MTA2: variants seen among roughly 807,000 people sequenced by gnomAD.
The protein encoded by MTA2 is metastasis associated 1 family member 2.
Under a neutral mutation model 87.1 loss-of-function variants are expected in MTA2, and 22 were observed. The observed-to-expected ratio is 0.25, with a 90% confidence interval of 0.18 to 0.36. MTA2 has a LOEUF of 0.36. Among genes scored for constraint, MTA2 ranks in the 10% least tolerant of loss-of-function variants. The pLI, the probability that MTA2 is intolerant of heterozygous loss-of-function variation, is 1.00. For synonymous variants in MTA2, 314 were observed against 310.1 expected (o/e 1.01, Z -0.13); for missense variants, 542 against 853.2 (o/e 0.64, Z 4.54).
intron 8 of MTA2, among the ~76,000 whole-genome samples, 199 bp from the exon 9 acceptor site, chr11:62,597,024 C>T (rs1942108133): frequency 6.6e-6 from 1 of 152,134 alleles, no homozygotes; most frequent in South Asian, 2.1e-4. Flanking sequence ...CCCGTCTCTA[C>T]TAAAAATACA....
At position 62,594,605 on chromosome 11, in the gene MTA2, G is replaced by T. The variant is rs774487442; in HGVS notation, c.1603C>A (p.Pro535Thr). 1 of 1,614,144 alleles carries T rather than the reference G, an allele frequency of 6.2e-7. No homozygotes were observed. Among genetic ancestry groups the T allele is most frequent in the Non-Finnish European group, 8.5e-7 (1 of 1,180,034 alleles). Residue 535 changes from proline to threonine, a missense_variant, in exon 16 of 18, where the codon CCT becomes ACT. This residue lies in a region of MTA2 where 269 missense variants were observed against 346.4 expected (regional missense o/e 0.78). Coordinates refer to ENST00000278823, the MANE Select transcript of MTA2 (RefSeq NM_004739.4). ...TTGATCGGTGTCTTGGTACCCCGAG[G>T]TGTTTTTGGTTTCAGGGGTGCCTGG... Reference protein sequence around the residue: ...VAQAPLKPKTPRGTKTPINRN... With the variant: ...VAQAPLKPKTTRGTKTPINRN...
Position 62,601,858 on chromosome 11 carries a change from G to T in MTA2, c.-408C>A. ...CACCTTCGGCCGATCCGGAGAACAA[G>T]GCCCACTGCTCGGCTCAGGTCGGAG... On this transcript the variant is annotated 5_prime_UTR_variant, in exon 1 of 18. Transcript: ENST00000278823. The T allele has an allele frequency of 2.0e-6, 1 of 495,312 alleles. No homozygotes were observed. Among genetic ancestry groups the T allele is most frequent in the African/African-American group, 2.0e-5 (1 of 49,108 alleles). 30.7% of individuals were successfully genotyped at this position (495,312 alleles called of 1,614,324 possible).
rs759345268 is a variant in MTA2, at chr11:62,596,082, T to C, written c.1042A>G (p.Ile348Val). 6.2e-7 allele frequency: 1 copy of C among 1,613,986 alleles called. No homozygotes were observed. The highest frequency in any genetic ancestry group is 8.5e-7 in the Non-Finnish European group (1 of 1,180,004). The change falls in exon 12 of 18, where the codon ATT (isoleucine) becomes GTT (valine). Residue 348 changes from isoleucine to valine, a missense_variant. By Grantham distance (29) the Ile-to-Val change is conservative (BLOSUM62 3). Transcript: ENST00000278823. ...TYTKPNPNQI[I>V]SVGSKPGMNG... Reference sequence around the variant, plus strand: ...ATGCCAGGTTTTGAACCCACAGAAATGATCTGGTTAGGGTTTGGCTTAGTG... The same window carrying C: ...ATGCCAGGTTTTGAACCCACAGAAACGATCTGGTTAGGGTTTGGCTTAGTG...
At chr11:62,598,913 C>G (rs1942137106) in intron 3 of MTA2, among the ~76,000 whole-genome samples, 1 of 152,268 alleles carries the variant, frequency 6.6e-6, no homozygotes, top group East Asian at 1.9e-4. Flanking sequence ...GCTGCCAGTA[C>G]TCAGACACCA....
Position 62,596,072 on chromosome 11 carries a change from C to T in MTA2, c.1052G>A (p.Gly351Asp). The stretch of plus-strand genomic sequence containing the variant: ...AGCCCCATTCATGCCAGGTTTTGAA[C>T]CCACAGAAATGATCTGGTTAGGGTT... ...KPNPNQIISV[G>D]SKPGMNGAGF... The change falls in exon 12 of 18, where the codon GGT becomes GAT. Residue 351 changes from glycine to aspartate, a missense_variant. Physicochemically the swap from Gly to Asp is moderately conservative, Grantham distance 94. Around this residue, in one of 6 missense-constraint regions of MTA2, gnomAD observed 46 missense variants for 109.1 expected, o/e 0.42. Coordinates refer to ENST00000278823, the MANE Select transcript of MTA2 (RefSeq NM_004739.4). 6.2e-7 allele frequency: 1 copy of T among 1,614,156 alleles called. No homozygotes were observed. Among genetic ancestry groups the T allele is most frequent in the Non-Finnish European group, 8.5e-7 (1 of 1,180,040 alleles).
chr11:62,596,341 TAAG>T lies in MTA2; in HGVS notation c.958-7_958-5del. On this transcript the variant is annotated splice_region_variant and splice_polypyrimidine_tract_variant and intron_variant, in intron 10 of 17. Coordinates refer to ENST00000278823, the MANE Select transcript of MTA2 (RefSeq NM_004739.4). ...CTTCAGCAGCTTTCAACCTTTTCTG[TAAG>T]AAGGTAAAAAGAAAGAGAAGGATCA... 6.2e-7 allele frequency: 1 copy of T among 1,614,018 alleles called. No homozygotes were observed. Among genetic ancestry groups the T allele is most frequent in the Non-Finnish European group, 8.5e-7 (1 of 1,179,990 alleles).
chr11:62,598,193 G>A (rs2849031), intron 5 of MTA2, 52 bp from the exon 6 acceptor site: 1,035,410 of 1,584,874 alleles, frequency 0.65, 342,963 homozygotes, highest in East Asian at 0.94. Context: ...CATAGGCGGC[G>A]GGGAGGGAGG....
In MTA2 at chr11:62,593,504, C is replaced by T. The variant is rs931592242; in HGVS notation, c.*371G>A. 6.6e-6 allele frequency: 1 copy of T among 150,734 alleles called. No individual in the cohort carries two copies. The highest frequency in any genetic ancestry group is 2.6e-5 in the African/African-American group (1 of 38,424). 9.3% of individuals were successfully genotyped at this position (150,734 alleles called of 1,614,324 possible). A position where few individuals can be genotyped will look rare whatever the true frequency, so the allele number is the denominator to read the frequency against. On this transcript the variant is annotated 3_prime_UTR_variant, in exon 18 of 18. Transcript: ENST00000278823. ...CACGCCCCCCTCCCCCAACCAGGTA[C>T]CACCACCTGTTATCTGTTTACTCTT...
At chr11:62,598,184 A>T in intron 5 of MTA2, 43 bp from the exon 6 acceptor site, 1 of 1,599,026 alleles carries the variant, frequency 6.3e-7, no homozygotes, top group Non-Finnish European at 8.6e-7. Context: ...AGCAATCCAC[A>T]TAGGCGGCGG....
rs1942073063 is a variant in MTA2 at position 62,594,651 on chromosome 11, A to T, written c.1574-17T>A. The stretch of plus-strand genomic sequence containing the variant: ...CCTGGGCCACTGGAAAAAAACAGAA[A>T]ACTTTCGCACCTTTTCTTCCCACGC... On this transcript the variant is annotated splice_polypyrimidine_tract_variant and intron_variant, in intron 15 of 17. Transcript: ENST00000278823. 1 of 1,607,696 alleles carries T rather than the reference A, an allele frequency of 6.2e-7. No individual in the cohort carries two copies. The highest frequency in any genetic ancestry group is 1.1e-5 in the South Asian group (1 of 90,828).
chr11:62,600,706 G>C lies in MTA2; in HGVS notation c.29-17C>G, dbSNP rs368247751. On this transcript the variant is annotated splice_polypyrimidine_tract_variant and intron_variant, in intron 1 of 17. Coordinates refer to ENST00000278823, the MANE Select transcript of MTA2 (RefSeq NM_004739.4). ...AGACGTAATCTGTAAGGGAAGGGAGGGGGGAGAACCACGAAGATCAGAGGA... is the reference window on the plus strand; with the variant it reads ...AGACGTAATCTGTAAGGGAAGGGAGCGGGGAGAACCACGAAGATCAGAGGA... The C allele has an allele frequency of 7.4e-5, 119 of 1,610,786 alleles. No homozygotes were observed. The South Asian group carries it at 8.8e-4, about 12-fold the overall frequency.
At chr11:62,601,331 G>A (rs1942192983) in intron 1 of MTA2, 92 bp downstream of exon 1, 5 of 1,487,030 alleles carry the variant, frequency 3.4e-6, no homozygotes, top group African/African-American at 2.9e-5. Flanking sequence ...TGCCCCATAC[G>A]CTGCGCCTCG....
intron 1 of MTA2, chr11:62,601,162 A>C: frequency 1.9e-5 from 10 of 513,754 alleles, no homozygotes; most frequent in East Asian, 3.7e-5. Flanking sequence ...TCCGAAGGCC[A>C]CTCCGTGCCC....
intron 15 of MTA2, 46 bp from the exon 16 acceptor site, chr11:62,594,680 T>G (rs752973111): frequency 1.2e-5 from 19 of 1,545,182 alleles, no homozygotes; most frequent in Non-Finnish European, 1.7e-5. Flanking sequence ...CCCACGCAGT[T>G]CCCCTTTGTT....
Position 62,600,278 on chromosome 11 carries a change from C to T in MTA2, c.97-19G>A, listed in dbSNP as rs951438946. Reference sequence around the variant, plus strand: ...TTGCAGTCTAAGGGGAGGAAAAAAACAAAAACAAAACAACGTAGCAGTGGA... The same window carrying T: ...TTGCAGTCTAAGGGGAGGAAAAAAATAAAAACAAAACAACGTAGCAGTGGA... On this transcript the variant is annotated intron_variant, in intron 2 of 17. Transcript: ENST00000278823. 2 of 1,604,794 alleles carry T rather than the reference C, an allele frequency of 1.2e-6. No homozygotes were observed. Among genetic ancestry groups the T allele is most frequent in the Admixed American group, 1.7e-5 (1 of 59,662 alleles).
At position 62,594,296 on chromosome 11, in the gene MTA2, G is replaced by A; in HGVS notation, c.1804C>T (p.Pro602Ser). The A allele has an allele frequency of 1.2e-6, 2 of 1,614,068 alleles. No homozygotes were observed. Among genetic ancestry groups the A allele is most frequent in the East Asian group, 2.2e-5 (1 of 44,898 alleles). Residue 602 changes from proline to serine, a missense_variant, in exon 17 of 18, where the codon CCC (proline) becomes TCC (serine). Around this residue, in one of 6 missense-constraint regions of MTA2, gnomAD observed 269 missense variants for 346.4 expected, o/e 0.78. Coordinates refer to ENST00000278823, the MANE Select transcript of MTA2 (RefSeq NM_004739.4). The stretch of plus-strand genomic sequence containing the variant: ...GTGGCCACAAACACCACAGGATTGG[G>A]GGCATCAGCTGGGTTTAGTTTCTGA... ...KRQKLNPADA[P>S]NPVVFVATKD...
Position 62,593,670 on chromosome 11 carries a change from T to A in MTA2, c.*205A>T, listed in dbSNP as rs1235476981. On this transcript the variant is annotated 3_prime_UTR_variant, in exon 18 of 18. Transcript: ENST00000278823. ...CCACATGGGCCAAGTTCCTGCAGTC[T>A]GTCCTCCATCGGCAAGCATGGAGGC... 3.3e-6 allele frequency: 2 copies of A among 601,752 alleles called. No individual in the cohort carries two copies. Among genetic ancestry groups the A allele is most frequent in the Non-Finnish European group, 5.7e-6 (2 of 352,096 alleles). The allele number at this position is 601,752 out of a possible 1,614,324, so 37.3% of individuals were successfully genotyped here. A position where few individuals can be genotyped will look rare whatever the true frequency, so the allele number is the denominator to read the frequency against.
rs1942131782 is a variant in MTA2 at position 62,598,646 on chromosome 11, G to A, written c.191-7C>T. ...GATTCCTCTTCAAACTCCCCTGGGA[G>A]ATTAAAGAGGAAGAAACCAAGTCAG... is the stretch of plus-strand genomic sequence containing the variant. On this transcript the variant is annotated splice_polypyrimidine_tract_variant and splice_region_variant and intron_variant, in intron 3 of 17. Transcript: ENST00000278823. 6.2e-7 allele frequency: 1 copy of A among 1,612,040 alleles called. No individual in the cohort carries two copies. Among genetic ancestry groups the A allele is most frequent in the African/African-American group, 1.3e-5 (1 of 74,834 alleles).
chr11:62,600,335 G>A (rs755358582), intron 2 of MTA2, 76 bp from the exon 3 acceptor site: 4 of 1,319,794 alleles, frequency 3.0e-6, no homozygotes, highest in African/African-American at 2.9e-5. Flanking sequence ...AATGCACAAA[G>A]AGACAAATAA....
Sources: allele counts gnomAD v4.1 joint callset (sites outside exome capture counted in the v4.1 genomes callset), GRCh38; gene constraint gnomAD v4.1.1; regional missense constraint gnomAD v4.1.1; transcripts MANE v1.5; gene names NCBI Gene and HGNC (gene_info 2026-07-23, HGNC 2026-07-21).